The following ELAVL2 variants were observed in gnomAD, a reference collection of about 807,000 sequenced individuals.
The protein encoded by ELAVL2 is ELAV-like protein 2.
In ELAVL2, 4 loss-of-function variants were observed where a neutral mutation model predicts 34.6. The ratio of observed to expected loss-of-function variants is 0.12; its 90% confidence interval spans 0.06 to 0.26. The LOEUF (loss-of-function observed/expected upper bound fraction) is 0.26. Ranked by LOEUF, ELAVL2 falls within the 10% of genes least tolerant of loss-of-function variation. ELAVL2 has a pLI of 1.00. For missense variants in ELAVL2, 432 were observed against 442.8 expected (o/e 0.98, Z 0.22); for synonymous variants, 193 against 154.8 (o/e 1.25, Z -1.83).
intron 2 of ELAVL2, among the ~76,000 whole-genome samples, chr9:23,739,437 A>G (rs1265964570): frequency 6.6e-6 from 1 of 152,192 alleles, no homozygotes; most frequent in African/African-American, 2.4e-5. Flanking sequence ...GGACATTAAC[A>G]ACTCTAGGCT....
chr9:23,760,911 G>A (rs1427135315), intron 2 of ELAVL2, among the ~76,000 whole-genome samples: 3 of 151,988 alleles, frequency 2.0e-5, no homozygotes, highest in Admixed American at 1.3e-4. Flanking sequence ...GAGCCCTAAC[G>A]ATTAACGGAA....
At chr9:23,745,121 T>C (rs559324305) in intron 2 of ELAVL2, among the ~76,000 whole-genome samples, 1 of 152,174 alleles carries the variant, frequency 6.6e-6, no homozygotes, top group South Asian at 2.1e-4. Context: ...GGAAGATCAC[T>C]TGAGCTTGGG....
chr9:23,702,027 G>A (rs1457340755), intron 4 of ELAVL2, among the ~76,000 whole-genome samples: 4 of 152,148 alleles, frequency 2.6e-5, no homozygotes, highest in Non-Finnish European at 5.9e-5. Context: ...TTGAAACAAG[G>A]AGAACAGAAA....
rs147961188 is a variant in ELAVL2 at position 23,729,353 on chromosome 9, G to C, written c.333+1669C>G. Among the ~76,000 whole-genome samples, 691 of 152,200 alleles carry C rather than the reference G, an allele frequency of 4.5e-3. 4 individuals carry two copies. Among genetic ancestry groups the C allele is most frequent in the African/African-American group, 0.015 (617 of 41,554 alleles). ...ACGCTGGAAATCAATATAAATTGAG[G>C]AAAAGAAACCTGCAAAAATCTGCTG... is the stretch of plus-strand genomic sequence containing the variant. On this transcript the variant is annotated intron_variant, in intron 3 of 6. Transcript: ENST00000397312.
At chr9:23,693,658 C>G (rs951256493) in intron 5 of ELAVL2, among the ~76,000 whole-genome samples, 172 bp from the exon 6 acceptor site, 2 of 152,174 alleles carry the variant, frequency 1.3e-5, no homozygotes, top group African/African-American at 4.8e-5. Flanking sequence ...CCGACTGCCA[C>G]AGGACAGTTC....
intron 1 of ELAVL2, among the ~76,000 whole-genome samples, chr9:23,808,974 C>T (rs1397601854): frequency 6.6e-6 from 1 of 152,060 alleles, no homozygotes; most frequent in African/African-American, 2.4e-5. Context: ...GGAAACACAA[C>T]AAAAATTAAA....
At chr9:23,817,618 C>G (rs2063896326) in intron 1 of ELAVL2, among the ~76,000 whole-genome samples, 1 of 152,150 alleles carries the variant, frequency 6.6e-6, no homozygotes, top group Non-Finnish European at 1.5e-5. Flanking sequence ...GTTGCTCACA[C>G]AAGAGTTACC....
At chr9:23,849,522 G>C in the ELAVL2 span, 2 of 152,184 alleles carry the variant, frequency 1.3e-5, no homozygotes, top group East Asian at 1.9e-4. Context: ...TCAGGATTTT[G>C]ATCAGGAGTG....
intron 1 of ELAVL2, among the ~76,000 whole-genome samples, chr9:23,789,200 T>A (rs889101301): frequency 2.0e-5 from 3 of 152,226 alleles, no homozygotes; most frequent in African/African-American, 7.2e-5. Flanking sequence ...AGGGACTGCT[T>A]ATTCAGTCCC....
the ELAVL2 span, among the ~76,000 whole-genome samples, chr9:23,835,374 G>C: frequency 6.6e-6 from 1 of 152,010 alleles, no homozygotes; most frequent in African/African-American, 2.4e-5. Flanking sequence ...GGCCTTGAAA[G>C]GAACCAGTTC....
intron 3 of ELAVL2, among the ~76,000 whole-genome samples, chr9:23,725,389 G>C (rs550623360): frequency 6.6e-6 from 1 of 152,100 alleles, no homozygotes; most frequent in Non-Finnish European, 1.5e-5. Context: ...CCCTACTAAA[G>C]TCATGAACTC....
intron 5 of ELAVL2, among the ~76,000 whole-genome samples, chr9:23,696,042 A>G (rs2035070808): frequency 6.6e-6 from 1 of 152,160 alleles, no homozygotes. Context: ...GTTTTACATG[A>G]TACCATGATC....
chr9:23,837,829 C>T, the ELAVL2 span, among the ~76,000 whole-genome samples: 71 of 152,216 alleles, frequency 4.7e-4, no homozygotes, highest in African/African-American at 1.7e-3. Context: ...TACTCTTATA[C>T]CTTGCCGTGC....
rs1032409240 is a variant in ELAVL2 at position 23,751,481 on chromosome 9, A to AT, written c.229+10524dup. ...TGGAAAAGAAAACAAAGGGATAGTA[A>AT]TTTTTTTCCTCAGCCTTCTGATCTG... On this transcript the variant is annotated intron_variant, in intron 2 of 6. Transcript: ENST00000397312. Among the ~76,000 whole-genome samples the AT allele has an allele frequency of 2.6e-5, 4 of 152,170 alleles. No individual in the cohort carries two copies. The East Asian group carries it at 7.7e-4, about 29-fold the overall frequency.
At chr9:23,754,260 T>C (rs7022472) in intron 2 of ELAVL2, among the ~76,000 whole-genome samples, 3,758 of 152,284 alleles carry the variant, frequency 0.025, 225 homozygotes, top group Admixed American at 0.13. Flanking sequence ...TATTGTTTCA[T>C]ACTTTTCTGT....
rs372854856 is a variant in ELAVL2 at position 23,731,012 on chromosome 9, T to A, written c.333+10A>T. ...TTCCGCAAGTAGATATAAAAAAACT[T>A]TAAACATACTTTTATTGTTTTGGTT... On this transcript the variant is annotated intron_variant, in intron 3 of 6. Transcript: ENST00000397312. 1 of 1,603,126 alleles carries A rather than the reference T, an allele frequency of 6.2e-7. No homozygotes were observed. The highest frequency in any genetic ancestry group is 8.5e-7 in the Non-Finnish European group (1 of 1,175,998).
Position 23,693,027 on chromosome 9 carries a change from T to C in ELAVL2, c.753-143A>G. ...ACAAATATATAAACTATTTCATGTT[T>C]TGACCAAGGTCTGTGTGTGGCTTTG... On this transcript the variant is annotated intron_variant, in intron 6 of 6. Transcript: ENST00000397312. 3.9e-6 allele frequency: 3 copies of C among 776,970 alleles called. No individual in the cohort carries two copies. In the South Asian group the frequency reaches 5.7e-5, roughly 15 times the overall value. The allele number at this position is 776,970 out of a possible 1,614,324, so 48.1% of individuals were successfully genotyped here. A position where few individuals can be genotyped will look rare whatever the true frequency, so the allele number is the denominator to read the frequency against.
intron 2 of ELAVL2, among the ~76,000 whole-genome samples, chr9:23,742,265 A>G (rs1027088161): frequency 5.3e-5 from 8 of 152,196 alleles, no homozygotes; most frequent in Non-Finnish European, 8.8e-5. Context: ...AAGTACCTCA[A>G]TCCTCTTTCT....
chr9:23,836,741 G>C, the ELAVL2 span, among the ~76,000 whole-genome samples: 2 of 151,968 alleles, frequency 1.3e-5, no homozygotes, highest in Non-Finnish European at 2.9e-5. Flanking sequence ...GGAATTTGTT[G>C]GAGTATACCA....
Sources: allele counts gnomAD v4.1 joint callset (sites outside exome capture counted in the v4.1 genomes callset), GRCh38; gene constraint gnomAD v4.1.1; transcripts MANE v1.5; gene names NCBI Gene and HGNC (gene_info 2026-07-23, HGNC 2026-07-21).